The following SH3BP5L variants were observed in gnomAD, a reference collection of about 807,000 sequenced individuals.
SH3BP5L encodes SH3 binding domain protein 5 like.
SH3BP5L carries 16 observed loss-of-function variants against 40.9 expected under a neutral mutation model. That is an observed-to-expected ratio of 0.39 (90% confidence interval 0.27 to 0.59). The LOEUF (loss-of-function observed/expected upper bound fraction) is 0.59, where lower values mean the gene tolerates loss of function less well. Ranked by LOEUF, SH3BP5L falls within the 20% of genes least tolerant of loss-of-function variation. SH3BP5L has a pLI of 0.53. For synonymous variants in SH3BP5L, 229 were observed against 226.7 expected (o/e 1.01, Z -0.09); for missense variants, 471 against 544.6 (o/e 0.86, Z 1.35).
At chr1:248,825,506 A>G (rs767721522) in intron 1 of SH3BP5L, 140 bp from the exon 2 acceptor site, 8 of 445,200 alleles carry the variant, frequency 1.8e-5, no homozygotes, top group Non-Finnish European at 2.4e-5. Flanking sequence ...CCCTACCTCA[A>G]CTTCTCTCCT....
rs1199569727 is a variant in SH3BP5L at position 248,813,103 on chromosome 1, C to G, written c.597G>C (p.Arg199=). ...RGEREHQRVT[R]LCQQAEARVQ... ...CCCGAGCCTCAGCCTGTTGGCACAG[C>G]CGAGTCACTCGCTGGTGCTCCCGCT... Residue 199 remains arginine (R), a synonymous_variant, in exon 6 of 7, where the codon CGG becomes CGC. Coordinates refer to ENST00000366472, the MANE Select transcript of SH3BP5L (RefSeq NM_030645.3). The G allele has an allele frequency of 3.7e-6, 6 of 1,611,520 alleles. No individual in the cohort carries two copies. The highest frequency in any genetic ancestry group is 5.1e-6 in the Non-Finnish European group (6 of 1,178,676).
intron 5 of SH3BP5L, 53 bp from the exon 6 acceptor site, chr1:248,813,215 T>C (rs11205412): frequency 0.12 from 167,238 of 1,442,926 alleles, 12,197 homozygotes; most frequent in African/African-American, 0.32. Flanking sequence ...GTCTCTGGCA[T>C]CTGCCCCAGG....
At chr1:248,814,640 AC>A in intron 4 of SH3BP5L, 30 bp from the exon 5 acceptor site, 1 of 1,611,966 alleles carries the variant, frequency 6.2e-7, no homozygotes, top group Non-Finnish European at 8.5e-7. Flanking sequence ...AGGATGGGGA[AC>A]CCTGAGGGAC....
rs201663596 is a variant in SH3BP5L, at chr1:248,824,961, A to G, written c.-26T>C. On this transcript the variant is annotated 5_prime_UTR_variant, in exon 2 of 7. An upstream open reading frame in the 5' UTR loses its in-frame stop. Transcript: ENST00000366472. ...GCTGACAGGGGGAGGGCAGAGCCCT[A>G]TGCACAAGAGAGGACTGACATGCTG... 5.0e-6 allele frequency: 8 copies of G among 1,601,688 alleles called. No individual in the cohort carries two copies. Among genetic ancestry groups the G allele is most frequent in the Non-Finnish European group, 8.5e-7 (1 of 1,175,108 alleles).
At chr1:248,814,400 G>A in intron 5 of SH3BP5L, 49 bp downstream of exon 5, 1 of 1,602,182 alleles carries the variant, frequency 6.2e-7, no homozygotes, top group Non-Finnish European at 8.5e-7. Flanking sequence ...ACATAGCAAA[G>A]GATGGACGAG....
intron 2 of SH3BP5L, among the ~76,000 whole-genome samples, chr1:248,817,761 G>A (rs935398310): frequency 1.3e-5 from 2 of 152,146 alleles, no homozygotes; most frequent in Non-Finnish European, 2.9e-5. Flanking sequence ...GCTGAGGCAG[G>A]AGAATCACTT....
chr1:248,817,279 T>G (rs1286813986), intron 2 of SH3BP5L, among the ~76,000 whole-genome samples: 1 of 152,212 alleles, frequency 6.6e-6, no homozygotes, highest in Non-Finnish European at 1.5e-5. Flanking sequence ...TGCGAGAGGA[T>G]GGCCACCTGG....
Position 248,816,562 on chromosome 1 carries a change from T to C in SH3BP5L, c.347A>G (p.Tyr116Cys). ...CTTAGCCAGCCGCCGAGCCTCATAGTAGGGCCGGGCTTTCTCGATGCAGCT... is the reference window on the plus strand; with the variant it reads ...CTTAGCCAGCCGCCGAGCCTCATAGCAGGGCCGGGCTTTCTCGATGCAGCT... ...LGSCIEKARP[Y>C]YEARRLAKEA... Residue 116 changes from tyrosine (Y) to cysteine (C), a missense_variant, in exon 4 of 7, where the codon TAC becomes TGC. Tyr to Cys is a radical substitution (Grantham distance 194). This residue lies in a region of SH3BP5L where 275 missense variants were observed against 370.1 expected (regional missense o/e 0.74). Coordinates refer to ENST00000366472, the MANE Select transcript of SH3BP5L (RefSeq NM_030645.3). 1.9e-6 allele frequency: 3 copies of C among 1,614,128 alleles called. No individual in the cohort carries two copies. Among genetic ancestry groups the C allele is most frequent in the Non-Finnish European group, 1.7e-6 (2 of 1,180,024 alleles).
At position 248,824,845 on chromosome 1, in the gene SH3BP5L, G is replaced by C; in HGVS notation, c.91C>G (p.Pro31Ala). Residue 31 changes from proline (P) to alanine (A), a missense_variant, in exon 2 of 7, where the codon CCA becomes GCA. Pro to Ala is a conservative substitution (Grantham distance 27). Coordinates refer to ENST00000366472, the MANE Select transcript of SH3BP5L (RefSeq NM_030645.3). ...EVVEDEVPRS[P>A]VAEEPGGGGS... ...CCTCCTCCAGGCTCTTCTGCGACTG[G>C]GCTCCTAGGGACTTCATCCTCTACA... 1.2e-6 allele frequency: 2 copies of C among 1,614,162 alleles called. No homozygotes were observed. Among genetic ancestry groups the C allele is most frequent in the Non-Finnish European group, 1.7e-6 (2 of 1,180,030 alleles).
rs752514009 is a variant in SH3BP5L, at chr1:248,812,396, C to T, written c.712-26G>A. 28 of 1,581,130 alleles carry T rather than the reference C, an allele frequency of 1.8e-5. No homozygotes were observed. The African/African-American group carries it at 3.1e-4, about 17-fold the overall frequency. ...CTGCAGAGGGCAGAGCAGAGCAAGGCGACCCATGGGGCACGTCTCCACCTT... is the reference window on the plus strand; with the variant it reads ...CTGCAGAGGGCAGAGCAGAGCAAGGTGACCCATGGGGCACGTCTCCACCTT... On this transcript the variant is annotated intron_variant, in intron 6 of 6. Coordinates refer to ENST00000366472, the MANE Select transcript of SH3BP5L (RefSeq NM_030645.3). The surrounding 1 kb of genome is among the most constrained non-coding windows in gnomAD (Gnocchi z 6.1).
In SH3BP5L at chr1:248,821,358, GCAGT is replaced by G. The variant is rs138094140; in HGVS notation, c.183+3391_183+3394del. 1 of 152,568 alleles carries G rather than the reference GCAGT, an allele frequency of 6.6e-6. No individual in the cohort carries two copies. Among genetic ancestry groups the G allele is most frequent in the African/African-American group, 2.4e-5 (1 of 41,580 alleles). The allele number at this position is 152,568 out of a possible 1,614,324, so 9.5% of individuals were successfully genotyped here. A position where few individuals can be genotyped will look rare whatever the true frequency, so the allele number is the denominator to read the frequency against. Reference sequence around the variant, plus strand: ...GGGAGGGTGACCTTCCCAGGGCACAGCAGTCAGATTCCCAGGATGCCAGGACACT... The same window carrying G: ...GGGAGGGTGACCTTCCCAGGGCACAGCAGATTCCCAGGATGCCAGGACACT... On this transcript the variant is annotated intron_variant, in intron 2 of 6. Transcript: ENST00000366472. The surrounding 1 kb of genome is among the most constrained non-coding windows in gnomAD (Gnocchi z 4.6).
chr1:248,815,402 C>G (rs1317589606), intron 4 of SH3BP5L, among the ~76,000 whole-genome samples: 2 of 152,148 alleles, frequency 1.3e-5, no homozygotes, highest in Admixed American at 6.6e-5. Context: ...CCCATTTTGG[C>G]TGGATATACA....
Position 248,811,831 on chromosome 1 carries a change from G to A in SH3BP5L, c.*69C>T, listed in dbSNP as rs1343008697. The A allele has an allele frequency of 8.7e-7, 1 of 1,151,818 alleles. No individual in the cohort carries two copies. Among genetic ancestry groups the A allele is most frequent in the Non-Finnish European group, 1.2e-6 (1 of 830,988 alleles). The allele number at this position is 1,151,818 out of a possible 1,614,324, so 71.3% of individuals were successfully genotyped here. A position where few individuals can be genotyped will look rare whatever the true frequency, so the allele number is the denominator to read the frequency against. On this transcript the variant is annotated 3_prime_UTR_variant, in exon 7 of 7. Coordinates refer to ENST00000366472, the MANE Select transcript of SH3BP5L (RefSeq NM_030645.3). ...GGAAGACGAGGCCCCAGAGGAGAGGGCGTGAGAAGACTGTGGGCCCCAACC... is the reference window on the plus strand; with the variant it reads ...GGAAGACGAGGCCCCAGAGGAGAGGACGTGAGAAGACTGTGGGCCCCAACC...
intron 2 of SH3BP5L, among the ~76,000 whole-genome samples, chr1:248,824,550 T>C (rs1163888655): frequency 1.3e-5 from 2 of 152,216 alleles, no homozygotes; most frequent in African/African-American, 4.8e-5. Flanking sequence ...GCCAGGCCTT[T>C]CTCTGCACTC....
chr1:248,823,343 G>A (rs1022864700), intron 2 of SH3BP5L, among the ~76,000 whole-genome samples: 13 of 151,868 alleles, frequency 8.6e-5, no homozygotes, highest in African/African-American at 3.2e-4. Flanking sequence ...GAGCAAGAAT[G>A]AGTTGTGCAA....
rs960951136 is a variant in SH3BP5L, at chr1:248,811,163, CA to C, written c.*736del. The C allele has an allele frequency of 2.6e-5, 4 of 152,502 alleles. No homozygotes were observed. Among genetic ancestry groups the C allele is most frequent in the African/African-American group, 9.6e-5 (4 of 41,454 alleles). The allele number at this position is 152,502 out of a possible 1,614,324, so 9.4% of individuals were successfully genotyped here. On this transcript the variant is annotated 3_prime_UTR_variant, in exon 7 of 7. Coordinates refer to ENST00000366472, the MANE Select transcript of SH3BP5L (RefSeq NM_030645.3). ...CCCAGCCCAGCGGAAACACCATACC[CA>C]CAGGAGCCAGTCTGGAGTTGGTGAT...
At position 248,811,685 on chromosome 1, in the gene SH3BP5L, G is replaced by A. The variant is rs564321525; in HGVS notation, c.*215C>T. ...CGCCGAGGGCGAGCCTTCTGAATGGGTAAGGCAAAGAGAGCCGCCTGCTGA... is the reference window on the plus strand; with the variant it reads ...CGCCGAGGGCGAGCCTTCTGAATGGATAAGGCAAAGAGAGCCGCCTGCTGA... On this transcript the variant is annotated 3_prime_UTR_variant, in exon 7 of 7. Coordinates refer to ENST00000366472, the MANE Select transcript of SH3BP5L (RefSeq NM_030645.3). 1.7e-4 allele frequency: 89 copies of A among 526,578 alleles called. No homozygotes were observed. Among genetic ancestry groups the A allele is most frequent in the African/African-American group, 1.5e-3 (77 of 50,782 alleles). The allele number at this position is 526,578 out of a possible 1,614,324, so 32.6% of individuals were successfully genotyped here. A position where few individuals can be genotyped will look rare whatever the true frequency, so the allele number is the denominator to read the frequency against.
chr1:248,814,616 G>A lies in SH3BP5L; in HGVS notation c.376-6C>T, dbSNP rs368714184. ...TTCTGTGTCTCCTGCTGAGCCTGGG[G>A]GGAGAGGGATATCAGGATGGGGAAC... On this transcript the variant is annotated splice_region_variant and splice_polypyrimidine_tract_variant and intron_variant, in intron 4 of 6. Transcript: ENST00000366472. 81 of 1,614,188 alleles carry A rather than the reference G, an allele frequency of 5.0e-5. No individual in the cohort carries two copies. The highest frequency in any genetic ancestry group is 6.5e-5 in the Non-Finnish European group (77 of 1,180,036).
chr1:248,817,104 G>GT, intron 2 of SH3BP5L: 1 of 1,457,228 alleles, frequency 6.9e-7, no homozygotes, highest in Non-Finnish European at 9.2e-7. Context: ...ACTCTACCTT[G>GT]TATTGGGTAG....
Sources: allele counts gnomAD v4.1 joint callset (sites outside exome capture counted in the v4.1 genomes callset), GRCh38; gene constraint gnomAD v4.1.1; regional missense constraint gnomAD v4.1.1; non-coding constraint Gnocchi (gnomAD v3.1); transcripts MANE v1.5; gene names NCBI Gene and HGNC (gene_info 2026-07-23, HGNC 2026-07-21).